The following ULK4 variants were observed in gnomAD, a reference collection of about 807,000 sequenced individuals.
The protein encoded by ULK4 is unc-51 like kinase 4, also known as inactive serine/threonine-protein kinase ULK4.
ULK4 carries 133 observed loss-of-function variants against 160.6 expected under a neutral mutation model. The ratio of observed to expected loss-of-function variants is 0.83; its 90% confidence interval spans 0.72 to 0.96. The LOEUF (loss-of-function observed/expected upper bound fraction) is 0.96, where lower values mean the gene tolerates loss of function less well. Among genes scored for constraint, ULK4 ranks in the 40% least tolerant of loss-of-function variants. ULK4 has a pLI of 0.00. For synonymous variants in ULK4, 534 were observed against 539.8 expected (o/e 0.99, Z 0.15); for missense variants, 1,580 against 1,499.5 (o/e 1.05, Z -0.89).
rs186697715 is a variant in ULK4, at chr3:41,647,097, A to T, written c.3071+16510T>A. ...GTTATTCTAGTTATACATTCGTCTA[A>T]ATTTTTTTTAAAGTTTGTAACTTCT... On this transcript the variant is annotated intron_variant, in intron 30 of 36. Coordinates refer to ENST00000301831, the MANE Select transcript of ULK4 (RefSeq NM_017886.4). 2.0e-5 allele frequency among the ~76,000 whole-genome samples: 3 copies of T among 152,186 alleles called. No homozygotes were observed. The East Asian group carries it at 5.8e-4, about 29-fold the overall frequency.
At chr3:41,920,210 C>G (rs1295999347) in intron 5 of ULK4, among the ~76,000 whole-genome samples, 1 of 152,202 alleles carries the variant, frequency 6.6e-6, no homozygotes, top group Non-Finnish European at 1.5e-5. Flanking sequence ...CATAGTCACT[C>G]AAAGACCCAG....
chr3:41,885,819 T>C (rs1365257207), intron 16 of ULK4, among the ~76,000 whole-genome samples: 1 of 152,078 alleles, frequency 6.6e-6, no homozygotes, highest in East Asian at 1.9e-4. Flanking sequence ...GCTGGGACTA[T>C]AGGTGTGCAC....
intron 17 of ULK4, among the ~76,000 whole-genome samples, chr3:41,882,974 C>T (rs1300902438): frequency 2.0e-5 from 3 of 152,134 alleles, no homozygotes; most frequent in African/African-American, 7.2e-5. Flanking sequence ...GGTCACAATT[C>T]ATTTTTTTAG....
chr3:41,775,024 G>A (rs200413345), intron 21 of ULK4, among the ~76,000 whole-genome samples: 2 of 145,652 alleles, frequency 1.4e-5, no homozygotes, highest in South Asian at 2.1e-4. Context: ...TTGAACAATG[G>A]GAACACATGG....
chr3:41,463,002 TAGAGGAAG>T lies in ULK4; in HGVS notation c.3393+77_3393+84del, dbSNP rs2083725861. The T allele has an allele frequency of 2.7e-5, 40 of 1,455,508 alleles. 1 individual carries two copies. The South Asian group carries it at 5.3e-4, about 19-fold the overall frequency. 90.2% of individuals were successfully genotyped at this position (1,455,508 alleles called of 1,614,324 possible). Reference sequence around the variant, plus strand: ...TTCTTTTAAATAAGTAAAGACACAATAGAGGAAGATAAGAAAGAAGAGAATGAAAGGGA... The same window carrying T: ...TTCTTTTAAATAAGTAAAGACACAATATAAGAAAGAAGAGAATGAAAGGGA... On this transcript the variant is annotated intron_variant, in intron 33 of 36. Coordinates refer to ENST00000301831, the MANE Select transcript of ULK4 (RefSeq NM_017886.4).
At chr3:41,742,589 G>A (rs754483298) in intron 22 of ULK4, among the ~76,000 whole-genome samples, 8 of 151,828 alleles carry the variant, frequency 5.3e-5, no homozygotes, top group Admixed American at 6.6e-5. Context: ...TCATCAAAAC[G>A]AGAACCAAGA....
intron 32 of ULK4, among the ~76,000 whole-genome samples, chr3:41,553,154 A>G (rs1314030282): frequency 2.0e-5 from 3 of 152,082 alleles, no homozygotes; most frequent in Non-Finnish European, 4.4e-5. Context: ...ATATTACTAG[A>G]AAAAAATATA....
At chr3:41,615,796 A>C (rs1460492275) in intron 30 of ULK4, 79 bp from the exon 31 acceptor site, 30 of 1,292,578 alleles carry the variant, frequency 2.3e-5, no homozygotes, top group Non-Finnish European at 3.0e-5. Flanking sequence ...AAAGCACCTC[A>C]GCCCCCATGT....
intron 34 of ULK4, among the ~76,000 whole-genome samples, chr3:41,440,092 T>C (rs543921936): frequency 2.0e-5 from 3 of 152,234 alleles, no homozygotes; most frequent in Non-Finnish European, 4.4e-5. Context: ...TTCTAGTAGC[T>C]TTTTGTTGAT....
At chr3:41,850,240 T>C (rs1432974051) in intron 17 of ULK4, among the ~76,000 whole-genome samples, 3 of 152,206 alleles carry the variant, frequency 2.0e-5, no homozygotes, top group Non-Finnish European at 4.4e-5. Flanking sequence ...GTTCCAAGTC[T>C]TTGCTATTGT....
At chr3:41,667,988 A>C (rs900657974) in intron 29 of ULK4, among the ~76,000 whole-genome samples, 1 of 152,222 alleles carries the variant, frequency 6.6e-6, no homozygotes, top group Non-Finnish European at 1.5e-5. Context: ...ATCTGGGAGA[A>C]AACTGAAACT....
chr3:41,705,446 T>C, intron 25 of ULK4, 141 bp from the exon 26 acceptor site: 2 of 441,164 alleles, frequency 4.5e-6, no homozygotes, highest in Non-Finnish European at 7.8e-6. Flanking sequence ...ACATATTATA[T>C]TATTATAGTT....
chr3:41,830,354 G>A (rs1157866339), intron 18 of ULK4, among the ~76,000 whole-genome samples: 1 of 151,782 alleles, frequency 6.6e-6, no homozygotes, highest in Non-Finnish European at 1.5e-5. Flanking sequence ...AGATCTAGTA[G>A]GAACATGATT....
intron 34 of ULK4, among the ~76,000 whole-genome samples, chr3:41,412,178 A>C (rs2082422296): frequency 6.6e-6 from 1 of 152,202 alleles, no homozygotes; most frequent in South Asian, 2.1e-4. Context: ...AATTAAAACA[A>C]TACCAATATA....
chr3:41,380,819 G>C (rs1473297643), intron 35 of ULK4, among the ~76,000 whole-genome samples: 1 of 152,140 alleles, frequency 6.6e-6, no homozygotes, highest in Non-Finnish European at 1.5e-5. Flanking sequence ...CCTTTGGACA[G>C]AGTCACCAGC....
intron 34 of ULK4, among the ~76,000 whole-genome samples, chr3:41,444,508 G>A (rs1300734576): frequency 1.3e-5 from 2 of 152,086 alleles, no homozygotes; most frequent in Non-Finnish European, 2.9e-5. Flanking sequence ...TCAGTGAGAT[G>A]TATAAATATA....
At chr3:41,641,945 G>A (rs996372160) in intron 30 of ULK4, among the ~76,000 whole-genome samples, 9 of 149,218 alleles carry the variant, frequency 6.0e-5, no homozygotes, top group South Asian at 2.1e-4. Context: ...GCGTGATCTC[G>A]GCTCACTGCA....
intron 31 of ULK4, among the ~76,000 whole-genome samples, chr3:41,604,033 C>G (rs1477094097): frequency 1.3e-5 from 2 of 151,850 alleles, no homozygotes; most frequent in African/African-American, 2.4e-5. Context: ...CATGGGACTA[C>G]TTTAGATGAA....
intron 17 of ULK4, among the ~76,000 whole-genome samples, chr3:41,841,735 G>A (rs934979085): frequency 6.6e-6 from 1 of 152,128 alleles, no homozygotes; most frequent in Non-Finnish European, 1.5e-5. Flanking sequence ...AGATCAGATT[G>A]TTACTGTGTC....
Sources: gnomAD v4.1 joint callset for allele counts (sites outside exome capture counted in the v4.1 genomes callset) on GRCh38, gnomAD v4.1.1 for gene constraint, MANE v1.5 for transcripts, NCBI Gene and HGNC (gene_info 2026-07-23, HGNC 2026-07-21) for gene names.